The following MTUS2 variants were observed in gnomAD, a reference collection of about 807,000 sequenced individuals.
MTUS2 encodes microtubule associated scaffold protein 2.
A neutral mutation model predicts 114.1 loss-of-function variants in MTUS2; 40 were observed. The observed-to-expected ratio is 0.35, with a 90% CI of 0.27 to 0.46. MTUS2 has a LOEUF of 0.46. Ranked by LOEUF, MTUS2 falls within the 20% of genes least tolerant of loss-of-function variation. MTUS2 has a pLI of 1.00. For missense variants in MTUS2, 1,679 were observed against 1,705.4 expected (o/e 0.98, Z 0.27); for synonymous variants, 688 against 672.0 (o/e 1.02, Z -0.37).
intron 2 of MTUS2, among the ~76,000 whole-genome samples, chr13:28,919,798 C>A (rs2935192): frequency 0.13 from 19,554 of 152,084 alleles, 1,519 homozygotes; most frequent in African/African-American, 0.21. Context: ...ATTTTCGAAT[C>A]GCTTGTCCTC....
intron 6 of MTUS2, among the ~76,000 whole-genome samples, chr13:29,317,167 T>TCC (rs976593427): frequency 2.6e-5 from 4 of 152,298 alleles, no homozygotes; most frequent in African/African-American, 9.6e-5. Flanking sequence ...TACAGAAACC[T>TCC]CCCTATTCTC....
At chr13:28,851,317 G>C (rs111693548) in intron 2 of MTUS2, among the ~76,000 whole-genome samples, 9,403 of 152,256 alleles carry the variant, frequency 0.062, 453 homozygotes, top group African/African-American at 0.14. Flanking sequence ...CATTATGTAA[G>C]CACATACATT....
intron 2 of MTUS2, among the ~76,000 whole-genome samples, chr13:28,840,513 T>G (rs1875401916): frequency 6.6e-6 from 1 of 152,208 alleles, no homozygotes; most frequent in Non-Finnish European, 1.5e-5. Context: ...AACAAGACAT[T>G]TTATTGCCAT....
chr13:29,106,337 T>C (rs9579286), intron 5 of MTUS2, among the ~76,000 whole-genome samples: 102,209 of 152,002 alleles, frequency 0.67, 35,063 homozygotes, highest in Non-Finnish European at 0.74. Flanking sequence ...GCAACCCAGG[T>C]TGGGAATTTC....
intron 2 of MTUS2, among the ~76,000 whole-genome samples, chr13:28,934,837 C>T (rs1881804206): frequency 6.6e-6 from 1 of 152,132 alleles, no homozygotes; most frequent in South Asian, 2.1e-4. Context: ...CTTATATACA[C>T]TAAGCATACA....
intron 2 of MTUS2, among the ~76,000 whole-genome samples, chr13:28,890,004 G>A (rs921890291): frequency 5.3e-5 from 8 of 152,118 alleles, no homozygotes; most frequent in African/African-American, 1.9e-4. Context: ...TTGTTTTGGA[G>A]GGCATAGCAA....
chr13:29,277,924 G>A (rs1042382576), intron 5 of MTUS2, among the ~76,000 whole-genome samples: 1 of 152,196 alleles, frequency 6.6e-6, no homozygotes, highest in Non-Finnish European at 1.5e-5. Context: ...CAGAGCACCT[G>A]CAAAAGATGA....
rs199989104 is a variant in MTUS2, at chr13:29,213,322, T to G, written c.2645-68382T>G. 7.3e-5 allele frequency among the ~76,000 whole-genome samples: 11 copies of G among 151,078 alleles called. No homozygotes were observed. In the East Asian group the frequency reaches 7.9e-4, roughly 11 times the overall value. ...TAAAAACAGTGTCTACTCTGCTGTT[T>G]CTATGTGGAGTGTTCTACAAATGTC... On this transcript the variant is annotated intron_variant, in intron 5 of 15. Transcript: ENST00000612955.
intron 7 of MTUS2, among the ~76,000 whole-genome samples, chr13:29,333,487 G>A (rs933930080): frequency 2.6e-5 from 4 of 152,110 alleles, no homozygotes; most frequent in South Asian, 2.1e-4. Context: ...TTGAGCCACC[G>A]CAGCCGGCCT....
At chr13:28,824,733 T>A (rs1157659110) in intron 1 of MTUS2, among the ~76,000 whole-genome samples, 1 of 152,208 alleles carries the variant, frequency 6.6e-6, no homozygotes, top group Admixed American at 6.5e-5. Flanking sequence ...CCAGGCACTT[T>A]TACATATTAG....
intron 8 of MTUS2, among the ~76,000 whole-genome samples, chr13:29,433,634 G>A (rs1050842202): frequency 6.6e-6 from 1 of 152,186 alleles, no homozygotes; most frequent in East Asian, 1.9e-4. Context: ...GAAAACGAGT[G>A]CGATAGCCAC....
chr13:28,937,885 C>T (rs1391880674), intron 2 of MTUS2, among the ~76,000 whole-genome samples: 1 of 152,078 alleles, frequency 6.6e-6, no homozygotes, highest in African/African-American at 2.4e-5. Context: ...GACACTGAGC[C>T]TAATAGGCCG....
chr13:28,922,043 G>C (rs1299728039), intron 2 of MTUS2, among the ~76,000 whole-genome samples: 1 of 152,134 alleles, frequency 6.6e-6, no homozygotes, highest in Non-Finnish European at 1.5e-5. Context: ...CTGGTAGGAG[G>C]GGATTGGATC....
intron 5 of MTUS2, among the ~76,000 whole-genome samples, chr13:29,257,199 T>C (rs1478000944): frequency 6.6e-6 from 1 of 152,190 alleles, no homozygotes; most frequent in Non-Finnish European, 1.5e-5. Flanking sequence ...TAGTCATCTT[T>C]CCAAAATGTA....
At chr13:29,228,169 G>C (rs1011925676) in intron 5 of MTUS2, among the ~76,000 whole-genome samples, 1 of 152,158 alleles carries the variant, frequency 6.6e-6, no homozygotes, top group African/African-American at 2.4e-5. Flanking sequence ...GAAATGAATG[G>C]CATTCAGTAG....
rs11841551 is a variant in MTUS2, at chr13:29,039,367, G to C, written c.2446+5242G>C. ...GCTTGGTGACCATTGGAATCAGGAC[G>C]CCAGAAACTGTGCAAAGCATCGCGC... On this transcript the variant is annotated intron_variant, in intron 4 of 15. Coordinates refer to ENST00000612955, the MANE Select transcript of MTUS2 (RefSeq NM_001033602.4). 7.9e-5 allele frequency among the ~76,000 whole-genome samples: 12 copies of C among 152,316 alleles called. No individual in the cohort carries two copies. The South Asian group carries it at 1.0e-3, about 13-fold the overall frequency.
chr13:29,198,858 GCT>G (rs1272640168), intron 5 of MTUS2, among the ~76,000 whole-genome samples: 8 of 151,844 alleles, frequency 5.3e-5, no homozygotes, highest in African/African-American at 1.9e-4. Flanking sequence ...TCATGATTTG[GCT>G]CTCTGTTTGT....
chr13:28,878,569 G>A (rs1878101018), intron 2 of MTUS2, among the ~76,000 whole-genome samples: 1 of 152,152 alleles, frequency 6.6e-6, no homozygotes, highest in Non-Finnish European at 1.5e-5. Flanking sequence ...TCACTTACAA[G>A]TAAGAACATG....
At chr13:29,408,243 A>AC (rs1555275063) in intron 8 of MTUS2, among the ~76,000 whole-genome samples, 1 of 151,944 alleles carries the variant, frequency 6.6e-6, no homozygotes, top group Non-Finnish European at 1.5e-5. Flanking sequence ...TTAAAAAAAA[A>AC]CCCTCCCTAA....
Sources: allele counts gnomAD v4.1 joint callset (sites outside exome capture counted in the v4.1 genomes callset), GRCh38; gene constraint gnomAD v4.1.1; transcripts MANE v1.5; gene names NCBI Gene and HGNC (gene_info 2026-07-23, HGNC 2026-07-21).